The following SLC35F4 variants were observed in gnomAD, a reference collection of about 807,000 sequenced individuals.
The protein encoded by SLC35F4 is solute carrier family 35 member F4, also known as chromosome 14 open reading frame 36.
SLC35F4 carries 24 observed loss-of-function variants against 44.2 expected under a neutral mutation model. The observed-to-expected ratio is 0.54, with a 90% CI of 0.39 to 0.76. The LOEUF is 0.76. Ranked by LOEUF, SLC35F4 falls within the 30% of genes least tolerant of loss-of-function variation. The pLI is 0.00. For synonymous variants in SLC35F4, 238 were observed against 223.6 expected (o/e 1.06, Z -0.57); for missense variants, 562 against 586.1 (o/e 0.96, Z 0.42).
At chr14:57,876,757 G>T (rs975822276) in intron 1 of SLC35F4, among the ~76,000 whole-genome samples, 6 of 152,024 alleles carry the variant, frequency 3.9e-5, no homozygotes, top group African/African-American at 1.5e-4. Context: ...ATTAAACACA[G>T]CAGCAACATT....
intron 1 of SLC35F4, among the ~76,000 whole-genome samples, chr14:57,716,921 T>G (rs2075960866): frequency 6.6e-6 from 1 of 152,018 alleles, no homozygotes; most frequent in Admixed American, 6.5e-5. Flanking sequence ...ACTCTCTACT[T>G]CTATGAGATC....
chr14:57,807,188 A>G (rs1881424880), intron 1 of SLC35F4, among the ~76,000 whole-genome samples: 1 of 152,242 alleles, frequency 6.6e-6, no homozygotes, highest in Admixed American at 6.5e-5. Flanking sequence ...TAGTAAATTC[A>G]GGCTGAATGG....
chr14:57,645,856 C>G (rs1336409636), intron 1 of SLC35F4, among the ~76,000 whole-genome samples: 1 of 151,704 alleles, frequency 6.6e-6, no homozygotes. Flanking sequence ...TTGTCAAAGG[C>G]CTTTTCTGCA....
At chr14:57,727,506 C>CT (rs976155580) in intron 1 of SLC35F4, among the ~76,000 whole-genome samples, 1 of 121,792 alleles carries the variant, frequency 8.2e-6, no homozygotes, top group African/African-American at 3.1e-5. Flanking sequence ...TTTTTTTTTT[C>CT]TTTTTTAACA....
intron 1 of SLC35F4, among the ~76,000 whole-genome samples, chr14:57,911,888 C>G (rs957338647): frequency 2.6e-5 from 4 of 151,898 alleles, no homozygotes; most frequent in Admixed American, 2.0e-4. Context: ...GTAGAGTTTA[C>G]TAGTGAACAC....
intron 1 of SLC35F4, among the ~76,000 whole-genome samples, chr14:57,891,067 G>A (rs1256773693): frequency 1.3e-5 from 2 of 152,260 alleles, no homozygotes; most frequent in East Asian, 3.9e-4. Flanking sequence ...AGAGTCAGAG[G>A]AATGGACCAA....
intron 1 of SLC35F4, among the ~76,000 whole-genome samples, chr14:57,966,204 C>T (rs17094028): frequency 0.042 from 6,320 of 152,276 alleles, 352 homozygotes; most frequent in East Asian, 0.25. Flanking sequence ...GCAGCTCCCA[C>T]AATTTGCCTA....
intron 1 of SLC35F4, among the ~76,000 whole-genome samples, chr14:57,715,226 G>A: frequency 6.6e-6 from 1 of 152,232 alleles, no homozygotes; most frequent in Non-Finnish European, 1.5e-5. Context: ...CAATAATGCA[G>A]AAGAATGCAA....
At chr14:57,830,933 T>C (rs575662473) in intron 1 of SLC35F4, among the ~76,000 whole-genome samples, 1 of 152,278 alleles carries the variant, frequency 6.6e-6, no homozygotes, top group South Asian at 2.1e-4. Context: ...CAACAGCACT[T>C]GTATAGAGAA....
At chr14:57,716,493 AAAGATGATTC>A (rs1307735514) in intron 1 of SLC35F4, among the ~76,000 whole-genome samples, 2 of 152,182 alleles carry the variant, frequency 1.3e-5, no homozygotes, top group Non-Finnish European at 2.9e-5. Context: ...ATGGTATAAT[AAAGATGATTC>A]ACTGTTTTAA....
intron 1 of SLC35F4, among the ~76,000 whole-genome samples, chr14:57,925,348 C>T (rs1889536019): frequency 6.8e-6 from 1 of 146,682 alleles, no homozygotes; most frequent in Admixed American, 6.9e-5. Flanking sequence ...ATGTGGAGCC[C>T]CAAATAATGA....
In SLC35F4 at chr14:57,569,954, A is replaced by C; in HGVS notation, c.960T>G (p.Ser320Arg). 2 of 1,608,680 alleles carry C rather than the reference A, an allele frequency of 1.2e-6. No individual in the cohort carries two copies. Among genetic ancestry groups the C allele is most frequent in the Non-Finnish European group, 1.7e-6 (2 of 1,178,200 alleles). ...AGTGTGCAGCTTCCCCAAAGTTGGC[A>C]CTTCCAAGAAACATTTTAAACAAGA... Reference protein sequence around the residue: ...YKVLFKMFLGSANFGEAAHFV... With the variant: ...YKVLFKMFLGRANFGEAAHFV... The change falls in exon 6 of 8, where the codon AGT becomes AGG. Residue 320 changes from serine to arginine, a missense_variant. By Grantham distance (110) the Ser-to-Arg change is moderately radical. Coordinates refer to ENST00000556826, the MANE Select transcript of SLC35F4 (RefSeq NM_001306087.2).
intron 1 of SLC35F4, among the ~76,000 whole-genome samples, chr14:57,875,033 G>T (rs1158908551): frequency 6.6e-6 from 1 of 151,940 alleles, no homozygotes; most frequent in East Asian, 1.9e-4. Flanking sequence ...AAGAGTAAAT[G>T]GATGGAATTA....
Position 57,825,752 on chromosome 14 carries a change from G to A in SLC35F4, c.103+39971C>T, listed in dbSNP as rs551531691. On this transcript the variant is annotated intron_variant, in intron 1 of 7. Coordinates refer to ENST00000556826, the MANE Select transcript of SLC35F4 (RefSeq NM_001306087.2). Reference sequence around the variant, plus strand: ...ACAAGCAGAGAGCCAAATCATGAATGAACTCCCATTCACAATTGCTACAAA... The same window carrying A: ...ACAAGCAGAGAGCCAAATCATGAATAAACTCCCATTCACAATTGCTACAAA... 1.1e-4 allele frequency among the ~76,000 whole-genome samples: 17 copies of A among 152,180 alleles called. 1 individual carries two copies. The South Asian group carries it at 3.3e-3, about 30-fold the overall frequency.
chr14:57,596,180 CAAATA>C (rs2070476107), intron 1 of SLC35F4: 1 of 154,914 alleles, frequency 6.5e-6, no homozygotes, highest in South Asian at 2.0e-4. Flanking sequence ...TGCACCCATA[CAAATA>C]AAATAAAATG....
intron 1 of SLC35F4, among the ~76,000 whole-genome samples, chr14:57,695,844 A>T (rs1015992160): frequency 2.6e-5 from 4 of 152,344 alleles, no homozygotes; most frequent in African/African-American, 9.6e-5. Context: ...TGCAGCCATA[A>T]AAAATTATGA....
At chr14:57,738,750 T>C (rs200313161) in intron 1 of SLC35F4, among the ~76,000 whole-genome samples, 3 of 4,890 alleles carry the variant, frequency 6.1e-4, no homozygotes, top group African/African-American at 3.2e-3. Context: ...TGAATTTTCA[T>C]ATATATATAT....
chr14:57,956,626 C>T (rs1890243612), intron 1 of SLC35F4, among the ~76,000 whole-genome samples: 1 of 151,942 alleles, frequency 6.6e-6, no homozygotes, highest in Admixed American at 6.6e-5. Flanking sequence ...AAAAAGTGGG[C>T]AAAGGATAAT....
At chr14:57,613,856 A>G (rs566245031) in intron 1 of SLC35F4, among the ~76,000 whole-genome samples, 2 of 152,332 alleles carry the variant, frequency 1.3e-5, no homozygotes, top group South Asian at 4.1e-4. Flanking sequence ...GGCAAGGAGG[A>G]AAGTAACATC....
Sources: gnomAD v4.1 joint callset for allele counts (sites outside exome capture counted in the v4.1 genomes callset) on GRCh38, gnomAD v4.1.1 for gene constraint, MANE v1.5 for transcripts, NCBI Gene and HGNC (gene_info 2026-07-23, HGNC 2026-07-21) for gene names.